PPM1H: variants seen among roughly 807,000 people sequenced by gnomAD.
PPM1H encodes protein phosphatase, Mg2+/Mn2+ dependent 1H.
A neutral mutation model predicts 54.9 loss-of-function variants in PPM1H; 27 were observed. The ratio of observed to expected loss-of-function variants is 0.49; its 90% confidence interval spans 0.36 to 0.68. The LOEUF is 0.68. PPM1H is among the 30% of genes least tolerant of loss of function. The pLI, the probability that PPM1H is intolerant of heterozygous loss-of-function variation, is 0.00. For synonymous variants in PPM1H, 305 were observed against 270.8 expected (o/e 1.13, Z -1.24); for missense variants, 596 against 667.8 (o/e 0.89, Z 1.19).
chr12:62,730,142 CT>C (rs1467924588), intron 5 of PPM1H, among the ~76,000 whole-genome samples: 3 of 152,168 alleles, frequency 2.0e-5, no homozygotes, highest in Admixed American at 6.5e-5. Context: ...GGCCCCACCC[CT>C]ATCTCCCTTT....
chr12:62,783,009 T>C (rs1301685565), intron 4 of PPM1H, among the ~76,000 whole-genome samples: 1 of 151,936 alleles, frequency 6.6e-6, no homozygotes. Context: ...ATATATATAT[T>C]TTTGTAAAGA....
intron 1 of PPM1H, among the ~76,000 whole-genome samples, chr12:62,870,753 G>A (rs901122265): frequency 6.6e-6 from 1 of 152,166 alleles, no homozygotes; most frequent in Admixed American, 6.5e-5. Flanking sequence ...TACGGACAAA[G>A]GATGTGAATA....
intron 5 of PPM1H, among the ~76,000 whole-genome samples, chr12:62,724,841 T>C (rs1164464078): frequency 6.6e-6 from 1 of 152,220 alleles, no homozygotes; most frequent in African/African-American, 2.4e-5. Flanking sequence ...CTATTGTATA[T>C]ATTTAATAAG....
At chr12:62,826,303 G>A (rs1868290703) in intron 2 of PPM1H, among the ~76,000 whole-genome samples, 1 of 152,102 alleles carries the variant, frequency 6.6e-6, no homozygotes, top group South Asian at 2.1e-4. Context: ...TACAAAAATA[G>A]CCAGGTATGG....
chr12:62,821,160 G>A (rs1229722803), intron 2 of PPM1H, among the ~76,000 whole-genome samples: 5 of 152,164 alleles, frequency 3.3e-5, no homozygotes, highest in African/African-American at 4.8e-5. Flanking sequence ...TCAAGTGGAA[G>A]AAAGGGTATC....
chr12:62,932,882 G>T (rs967612009), intron 1 of PPM1H, among the ~76,000 whole-genome samples: 1 of 151,658 alleles, frequency 6.6e-6, no homozygotes, highest in Non-Finnish European at 1.5e-5. Context: ...TGATCCGCCC[G>T]CCTCGGCCTC....
intron 1 of PPM1H, among the ~76,000 whole-genome samples, chr12:62,847,024 C>T (rs146647317): frequency 4.6e-4 from 70 of 152,264 alleles, no homozygotes; most frequent in African/African-American, 1.6e-3. Flanking sequence ...TCCTTCCCAC[C>T]CTCCTCCGTC....
intron 1 of PPM1H, among the ~76,000 whole-genome samples, chr12:62,920,123 G>T (rs1871746882): frequency 6.6e-6 from 1 of 152,076 alleles, no homozygotes; most frequent in African/African-American, 2.4e-5. Context: ...TAATCACAGG[G>T]AGAATTGCCA....
At chr12:62,866,818 T>A (rs1283405749) in intron 1 of PPM1H, among the ~76,000 whole-genome samples, 1 of 151,994 alleles carries the variant, frequency 6.6e-6, no homozygotes, top group Non-Finnish European at 1.5e-5. Context: ...AGATAACTAG[T>A]ACAGCACTGT....
In PPM1H at chr12:62,659,234, T is replaced by C. The variant is rs868650718; in HGVS notation, c.1397+7944A>G. 51 of 496,608 alleles carry C rather than the reference T, an allele frequency of 1.0e-4. No individual in the cohort carries two copies. In the Middle Eastern group the frequency reaches 3.3e-3, roughly 32 times the overall value. The allele number at this position is 496,608 out of a possible 1,614,324, so 30.8% of individuals were successfully genotyped here. On this transcript the variant is annotated intron_variant, in intron 9 of 9. Coordinates refer to ENST00000228705, the MANE Select transcript of PPM1H (RefSeq NM_020700.2). ...GCGAAGAAAATGGGTAGACAGCTCATGTGCACATTGTGTTCTAAAAAACCG... is the reference window on the plus strand; with the variant it reads ...GCGAAGAAAATGGGTAGACAGCTCACGTGCACATTGTGTTCTAAAAAACCG...
intron 4 of PPM1H, among the ~76,000 whole-genome samples, chr12:62,764,249 T>G (rs923527750): frequency 2.0e-5 from 3 of 152,090 alleles, no homozygotes; most frequent in African/African-American, 7.2e-5. Context: ...AGGCACCGTC[T>G]AGGGACACCA....
chr12:62,735,812 C>G lies in PPM1H; in HGVS notation c.954+1690G>C, dbSNP rs79796632. ...GTCTTAAAGAATGAAGAGGAGTTCT[C>G]CTAACAGAAAAGAAAGAAAAGGCCA... On this transcript the variant is annotated intron_variant, in intron 5 of 9. Transcript: ENST00000228705. Among the ~76,000 whole-genome samples, 423 of 152,228 alleles carry G rather than the reference C, an allele frequency of 2.8e-3. 2 individuals are homozygous for G. The highest frequency in any genetic ancestry group is 9.7e-3 in the African/African-American group (401 of 41,544).
At chr12:62,707,293 C>T (rs1265353388) in intron 6 of PPM1H, among the ~76,000 whole-genome samples, 1 of 152,194 alleles carries the variant, frequency 6.6e-6, no homozygotes, top group Non-Finnish European at 1.5e-5. Flanking sequence ...CACCTGAAGG[C>T]TTTACCATCC....
chr12:62,902,978 T>A (rs1032460538), intron 1 of PPM1H, among the ~76,000 whole-genome samples: 2 of 152,154 alleles, frequency 1.3e-5, no homozygotes, highest in Non-Finnish European at 2.9e-5. Context: ...AGACTAAGTA[T>A]TTGATCACTG....
intron 8 of PPM1H, among the ~76,000 whole-genome samples, chr12:62,672,195 C>T (rs2075960256): frequency 6.6e-6 from 1 of 152,226 alleles, no homozygotes; most frequent in Admixed American, 6.5e-5. Context: ...ACTCTCAAGG[C>T]TGATCCTGTC....
chr12:62,776,074 T>G (rs2076609195), intron 4 of PPM1H, among the ~76,000 whole-genome samples: 1 of 152,088 alleles, frequency 6.6e-6, no homozygotes, highest in African/African-American at 2.4e-5. Context: ...ACTTACTCTC[T>G]ATCATGAGAA....
At chr12:62,926,010 C>G (rs1055353596) in intron 1 of PPM1H, among the ~76,000 whole-genome samples, 4 of 152,202 alleles carry the variant, frequency 2.6e-5, no homozygotes, top group African/African-American at 7.2e-5. Context: ...CCACCACCTC[C>G]TTTTTAAAGA....
chr12:62,674,122 G>C (rs2075972993), intron 8 of PPM1H, among the ~76,000 whole-genome samples: 1 of 152,182 alleles, frequency 6.6e-6, no homozygotes, highest in African/African-American at 2.4e-5. Flanking sequence ...CTGTAATTAA[G>C]ATCAAATAAT....
intron 1 of PPM1H, among the ~76,000 whole-genome samples, chr12:62,886,418 T>G (rs981765553): frequency 3.3e-5 from 5 of 152,226 alleles, no homozygotes; most frequent in Admixed American, 3.3e-4. Flanking sequence ...AACTGGATTA[T>G]CCGATTAAAA....
Sources: gnomAD v4.1 joint callset for allele counts (sites outside exome capture counted in the v4.1 genomes callset) on GRCh38, gnomAD v4.1.1 for gene constraint, MANE v1.5 for transcripts, NCBI Gene and HGNC (gene_info 2026-07-23, HGNC 2026-07-21) for gene names.